The following RCOR1 variants were observed in gnomAD, a reference collection of about 807,000 sequenced individuals.
The protein encoded by RCOR1 is REST corepressor 1.
Under a neutral mutation model 64.0 loss-of-function variants are expected in RCOR1, and 12 were observed. The observed-to-expected ratio is 0.19, with a 90% confidence interval of 0.12 to 0.30. The LOEUF (loss-of-function observed/expected upper bound fraction) is 0.30. Ranked by LOEUF, RCOR1 falls within the 10% of genes least tolerant of loss-of-function variation. RCOR1 has a pLI of 1.00. For synonymous variants in RCOR1, 279 were observed against 227.2 expected (o/e 1.23, Z -2.05); for missense variants, 502 against 621.2 (o/e 0.81, Z 2.04).
intron 2 of RCOR1, among the ~76,000 whole-genome samples, chr14:102,673,509 G>C (rs1459189157): frequency 1.3e-5 from 2 of 150,986 alleles, no homozygotes; most frequent in Admixed American, 6.6e-5. Flanking sequence ...GCTAATTTTT[G>C]TATTTTTAGT....
Position 102,592,674 on chromosome 14 carries a change from T to C in RCOR1, c.-213T>C. The C allele has an allele frequency of 8.2e-7, 1 of 1,225,974 alleles. No homozygotes were observed. Among genetic ancestry groups the C allele is most frequent in the Non-Finnish European group, 1.0e-6 (1 of 984,754 alleles). 75.9% of individuals were successfully genotyped at this position (1,225,974 alleles called of 1,614,324 possible). On this transcript the variant is annotated 5_prime_UTR_variant, in exon 1 of 12. It removes an upstream start codon present in the reference 5' UTR. Coordinates refer to ENST00000262241, the MANE Select transcript of RCOR1 (RefSeq NM_015156.4). ...GGTGCCAGTGAAGTGAGGGCGGCGA[T>C]GAGAGCGAAAGTTGCGCTCGGCTCG...
intron 3 of RCOR1, among the ~76,000 whole-genome samples, chr14:102,682,920 T>C (rs1261131859): frequency 6.6e-6 from 1 of 152,212 alleles, no homozygotes; most frequent in African/African-American, 2.4e-5. Flanking sequence ...AGTTCACTCC[T>C]GGGTCATAAT....
At chr14:102,702,806 C>T (rs1895777398) in intron 4 of RCOR1, among the ~76,000 whole-genome samples, 3 of 152,060 alleles carry the variant, frequency 2.0e-5, no homozygotes, top group Admixed American at 1.3e-4. Context: ...CAGGTTTTAA[C>T]AGAAAAATCA....
chr14:102,725,149 C>T (rs576756549), intron 11 of RCOR1, among the ~76,000 whole-genome samples: 2 of 152,310 alleles, frequency 1.3e-5, no homozygotes, highest in Admixed American at 6.5e-5. Flanking sequence ...ATGGATTGGA[C>T]AGAAAGATGT....
intron 2 of RCOR1, chr14:102,658,002 T>A (rs1045096423): frequency 1.1e-6 from 1 of 915,904 alleles, no homozygotes; most frequent in African/African-American, 1.8e-5. Context: ...TGAGACAGAG[T>A]CTTGCTCTGT....
intron 2 of RCOR1, among the ~76,000 whole-genome samples, chr14:102,607,282 T>TATCA (rs535138134): frequency 6.6e-6 from 1 of 152,324 alleles, no homozygotes; most frequent in African/African-American, 2.4e-5. Flanking sequence ...TGCAACTGTA[T>TATCA]ATCAAATGGA....
intron 2 of RCOR1, chr14:102,662,469 G>T (rs902303406): frequency 5.2e-5 from 28 of 537,560 alleles, no homozygotes; most frequent in African/African-American, 4.8e-4. Flanking sequence ...TCAGTGGTCA[G>T]CGGCAACTTG....
At chr14:102,665,072 G>T (rs1014221193) in intron 2 of RCOR1, among the ~76,000 whole-genome samples, 1 of 151,988 alleles carries the variant, frequency 6.6e-6, no homozygotes, top group East Asian at 1.9e-4. Flanking sequence ...ATGCAGTGGC[G>T]CAATCTCACT....
At chr14:102,617,747 A>G (rs1893791446) in intron 2 of RCOR1, among the ~76,000 whole-genome samples, 1 of 151,324 alleles carries the variant, frequency 6.6e-6, no homozygotes, top group Non-Finnish European at 1.5e-5. Context: ...CTGCCACCAT[A>G]CCTGGCTAAT....
At chr14:102,705,609 T>C (rs1269063957) in intron 4 of RCOR1, among the ~76,000 whole-genome samples, 1 of 152,038 alleles carries the variant, frequency 6.6e-6, no homozygotes, top group Non-Finnish European at 1.5e-5. Context: ...CCACCATGCC[T>C]GGCTAACTTG....
intron 8 of RCOR1, among the ~76,000 whole-genome samples, chr14:102,718,054 C>T (rs1289731029): frequency 5.9e-5 from 9 of 152,172 alleles, no homozygotes; most frequent in Non-Finnish European, 1.5e-5. Flanking sequence ...CTAACAACAG[C>T]TTAAACAATT....
chr14:102,689,419 T>C (rs1324624731), intron 3 of RCOR1, among the ~76,000 whole-genome samples: 7 of 152,276 alleles, frequency 4.6e-5, no homozygotes, highest in African/African-American at 1.4e-4. Flanking sequence ...TTTAAAAATA[T>C]ATAATCAACT....
chr14:102,686,855 A>T (rs531740222), intron 3 of RCOR1, among the ~76,000 whole-genome samples: 1 of 152,268 alleles, frequency 6.6e-6, no homozygotes, highest in South Asian at 2.1e-4. Flanking sequence ...CCACCCCCAC[A>T]TTACAAACAG....
chr14:102,680,820 C>CA (rs1030315367), intron 2 of RCOR1, among the ~76,000 whole-genome samples: 1 of 152,084 alleles, frequency 6.6e-6, no homozygotes, highest in African/African-American at 2.4e-5. Context: ...AAGGTAAACT[C>CA]AAAGGCGGTC....
intron 2 of RCOR1, among the ~76,000 whole-genome samples, chr14:102,647,112 C>CT (rs1277862924): frequency 6.6e-6 from 1 of 152,184 alleles, no homozygotes; most frequent in African/African-American, 2.4e-5. Flanking sequence ...AGCAGACCCA[C>CT]TGAGTGCCCA....
chr14:102,634,894 G>A (rs1448293115), intron 2 of RCOR1, among the ~76,000 whole-genome samples: 11 of 149,068 alleles, frequency 7.4e-5, no homozygotes, highest in South Asian at 2.1e-4. Context: ...TTTAAGTACA[G>A]AAGGGGTTTC....
chr14:102,621,994 G>T (rs1207902933), intron 2 of RCOR1, among the ~76,000 whole-genome samples: 1 of 152,174 alleles, frequency 6.6e-6, no homozygotes, highest in Non-Finnish European at 1.5e-5. Context: ...CCCGCAAAGA[G>T]AAATACGAAG....
intron 2 of RCOR1, among the ~76,000 whole-genome samples, chr14:102,671,157 A>G (rs575786079): frequency 3.9e-4 from 59 of 152,178 alleles, no homozygotes; most frequent in Middle Eastern, 3.4e-3. Context: ...TTCTGTGTTT[A>G]TCCATTTGGC....
chr14:102,646,332 A>G (rs144627936), intron 2 of RCOR1, among the ~76,000 whole-genome samples: 55 of 152,360 alleles, frequency 3.6e-4, no homozygotes, highest in African/African-American at 1.2e-3. Flanking sequence ...CACATGAAGA[A>G]AAAGCCATAA....
Sources: allele counts gnomAD v4.1 joint callset (sites outside exome capture counted in the v4.1 genomes callset), GRCh38; gene constraint gnomAD v4.1.1; transcripts MANE v1.5; gene names NCBI Gene and HGNC (gene_info 2026-07-23, HGNC 2026-07-21).